The following CUL5 variants were observed in gnomAD, a reference collection of about 807,000 sequenced individuals.
CUL5 encodes the protein cullin-5.
Under a neutral mutation model 108.8 loss-of-function variants are expected in CUL5, and 26 were observed. That is an observed-to-expected ratio of 0.24 (90% CI 0.18 to 0.33). The LOEUF (loss-of-function observed/expected upper bound fraction) is 0.33. Ranked by LOEUF, CUL5 falls within the 10% of genes least tolerant of loss-of-function variation. The pLI, the probability that CUL5 is intolerant of heterozygous loss-of-function variation, is 1.00. For missense variants in CUL5, 524 were observed against 909.2 expected (o/e 0.58, Z 5.45); for synonymous variants, 334 against 298.0 (o/e 1.12, Z -1.25).
chr11:108,069,899 T>C (rs1022144427), intron 7 of CUL5, among the ~76,000 whole-genome samples, 197 bp from the exon 8 acceptor site: 1 of 152,212 alleles, frequency 6.6e-6, no homozygotes, highest in African/African-American at 2.4e-5. Flanking sequence ...TTCTATAGTT[T>C]TTTTCCTTAG....
intron 7 of CUL5, among the ~76,000 whole-genome samples, chr11:108,063,316 C>G (rs1416946691): frequency 1.3e-5 from 2 of 152,140 alleles, no homozygotes; most frequent in Non-Finnish European, 2.9e-5. Context: ...TCTTTCTGTT[C>G]CTGGCTTATT....
At chr11:108,009,947 A>G (rs1457168677) in intron 1 of CUL5, among the ~76,000 whole-genome samples, 2 of 152,040 alleles carry the variant, frequency 1.3e-5, no homozygotes, top group Non-Finnish European at 2.9e-5. Flanking sequence ...TCCTTAGGAA[A>G]CTGCTTTCTA....
chr11:108,104,376 A>G lies in CUL5; in HGVS notation c.2335A>G (p.Met779Val), dbSNP rs1565274081. The G allele has an allele frequency of 1.3e-6, 2 of 1,541,176 alleles. No individual in the cohort carries two copies. Among genetic ancestry groups the G allele is most frequent in the South Asian group, 1.3e-5 (1 of 78,536 alleles). ...DESDINTFIY[M>V]A ...ATCTGATATCAACACTTTCATATAT[A>G]TGGCATAATTTTGAATATCATGGAC... The change falls in exon 19 of 19, where the codon ATG (methionine) becomes GTG (valine). Residue 779 changes from methionine to valine, a missense_variant. Physicochemically the swap from Met to Val is conservative, Grantham distance 21. Around this residue, in one of 8 missense-constraint regions of CUL5, gnomAD observed 22 missense variants for 70.5 expected, o/e 0.31. Transcript: ENST00000393094.
chr11:108,097,543 C>A, intron 16 of CUL5, 93 bp from the exon 17 acceptor site: 1 of 680,268 alleles, frequency 1.5e-6, no homozygotes, highest in Non-Finnish European at 2.5e-6. Flanking sequence ...TGTTTGTAAT[C>A]TTTTTCTTGC....
At chr11:108,073,064 G>A (rs1327239378) in intron 9 of CUL5, among the ~76,000 whole-genome samples, 2 of 151,834 alleles carry the variant, frequency 1.3e-5, no homozygotes, top group Non-Finnish European at 2.9e-5. Context: ...TAGCCAGGCG[G>A]GGTGGCGGGC....
chr11:108,079,445 A>G (rs1267892068), intron 11 of CUL5, among the ~76,000 whole-genome samples: 1 of 152,150 alleles, frequency 6.6e-6, no homozygotes, highest in African/African-American at 2.4e-5. Context: ...AACTTACAAT[A>G]GAGTTACTAT....
chr11:108,036,903 A>T (rs905632680), intron 2 of CUL5, among the ~76,000 whole-genome samples: 8 of 152,190 alleles, frequency 5.3e-5, no homozygotes, highest in African/African-American at 1.7e-4. Context: ...AACTGCAGGC[A>T]GCAGCAGCTA....
In CUL5 at chr11:108,106,345, A is replaced by G. The variant is rs1864800833; in HGVS notation, c.*1961A>G. 1 of 152,502 alleles carries G rather than the reference A, an allele frequency of 6.6e-6. No individual in the cohort carries two copies. Among genetic ancestry groups the G allele is most frequent in the Non-Finnish European group, 1.5e-5 (1 of 67,974 alleles). 9.4% of individuals were successfully genotyped at this position (152,502 alleles called of 1,614,324 possible). The stretch of plus-strand genomic sequence containing the variant: ...TTCTCAGAACTTTTTTGGAACTTCT[A>G]ATTTTGGGTCATTTAATTTAAGAAT... On this transcript the variant is annotated 3_prime_UTR_variant, in exon 19 of 19. Coordinates refer to ENST00000393094, the MANE Select transcript of CUL5 (RefSeq NM_003478.6).
Position 108,072,364 on chromosome 11 carries a change from G to C in CUL5, c.907G>C (p.Val303Leu), listed in dbSNP as rs758276900. The C allele has an allele frequency of 1.2e-6, 2 of 1,608,760 alleles. No homozygotes were observed. The highest frequency in any genetic ancestry group is 1.7e-6 in the Non-Finnish European group (2 of 1,177,064). Residue 303 changes from valine to leucine, a missense_variant, in exon 9 of 19, where the codon GTT becomes CTT. Around this residue, in one of 8 missense-constraint regions of CUL5, gnomAD observed 170 missense variants for 305.1 expected, o/e 0.56. Coordinates refer to ENST00000393094, the MANE Select transcript of CUL5 (RefSeq NM_003478.6). ...TTTAATGTTTTCATTGATGGACAAAGTTCCTAATGGTATAGAGCCAATGTT... is the reference window on the plus strand; with the variant it reads ...TTTAATGTTTTCATTGATGGACAAACTTCCTAATGGTATAGAGCCAATGTT... ...LHLMFSLMDK[V>L]PNGIEPMLKD... is the part of the protein sequence containing the mutation.
chr11:108,034,532 G>C (rs973926680), intron 2 of CUL5, among the ~76,000 whole-genome samples: 14 of 152,192 alleles, frequency 9.2e-5, no homozygotes, highest in African/African-American at 3.4e-4. Flanking sequence ...AGTCTCAGGG[G>C]TGCTGGTAGT....
chr11:108,095,124 A>G, intron 15 of CUL5, 137 bp downstream of exon 15: 2 of 690,874 alleles, frequency 2.9e-6, no homozygotes, highest in South Asian at 2.1e-5. Context: ...AATTTTTTTC[A>G]TGAAGTTGAT....
chr11:108,103,725 A>G (rs1459327189), intron 18 of CUL5, among the ~76,000 whole-genome samples: 7 of 152,242 alleles, frequency 4.6e-5, no homozygotes, highest in Non-Finnish European at 7.3e-5. Flanking sequence ...AGGAAATAAT[A>G]TTAAAACATT....
intron 10 of CUL5, among the ~76,000 whole-genome samples, chr11:108,074,448 G>C (rs1863899626): frequency 6.6e-6 from 1 of 151,680 alleles, no homozygotes; most frequent in Non-Finnish European, 1.5e-5. Context: ...GCCCGCCTCG[G>C]CCTCCCAAAG....
intron 5 of CUL5, among the ~76,000 whole-genome samples, chr11:108,053,588 T>C (rs1863293279): frequency 6.6e-6 from 1 of 152,186 alleles, no homozygotes; most frequent in African/African-American, 2.4e-5. Context: ...CTTATTGCTG[T>C]TGTTTAACCC....
At chr11:108,099,790 C>T (rs1864603758) in intron 18 of CUL5, among the ~76,000 whole-genome samples, 1 of 151,784 alleles carries the variant, frequency 6.6e-6, no homozygotes, top group East Asian at 1.9e-4. Context: ...TCTGCCAGTT[C>T]TAGGTTTTCA....
At position 108,076,395 on chromosome 11, in the gene CUL5, C is replaced by G. The variant is rs1863941143; in HGVS notation, c.1114-1781C>G. 2.6e-5 allele frequency among the ~76,000 whole-genome samples: 4 copies of G among 152,166 alleles called. No individual in the cohort carries two copies. The South Asian group carries it at 8.3e-4, about 32-fold the overall frequency. ...CATTAGCTCTCTAGACTTTTTCCATCTTGTGTGTCTGCTACTTTGTATCAT... is the reference window on the plus strand; with the variant it reads ...CATTAGCTCTCTAGACTTTTTCCATGTTGTGTGTCTGCTACTTTGTATCAT... On this transcript the variant is annotated intron_variant, in intron 10 of 18. Coordinates refer to ENST00000393094, the MANE Select transcript of CUL5 (RefSeq NM_003478.6).
At chr11:108,030,301 C>T (rs1286221208) in intron 1 of CUL5, among the ~76,000 whole-genome samples, 1 of 152,158 alleles carries the variant, frequency 6.6e-6, no homozygotes, top group Non-Finnish European at 1.5e-5. Flanking sequence ...TAGCTAATCC[C>T]AGTACTAAGT....
At position 108,082,376 on chromosome 11, in the gene CUL5, G is replaced by A. The variant is rs147591682; in HGVS notation, c.1178+4136G>A. ...GCTCACTGCAGTGTTGCCCTCCTGA[G>A]CTCGAGTAATCCTCCCACCTCAGCC... is the stretch of plus-strand genomic sequence containing the variant. On this transcript the variant is annotated intron_variant, in intron 11 of 18. Transcript: ENST00000393094. Among the ~76,000 whole-genome samples, 627 of 151,670 alleles carry A rather than the reference G, an allele frequency of 4.1e-3. 3 individuals carry two copies. Among genetic ancestry groups the A allele is most frequent in the Admixed American group, 7.1e-3 (108 of 15,224 alleles).
intron 3 of CUL5, among the ~76,000 whole-genome samples, chr11:108,046,967 A>G (rs1863083552): frequency 1.3e-5 from 2 of 152,112 alleles, no homozygotes; most frequent in South Asian, 4.1e-4. Context: ...TTATGAATAA[A>G]TCCCTTATCA....
Sources: allele counts gnomAD v4.1 joint callset (sites outside exome capture counted in the v4.1 genomes callset), GRCh38; gene constraint gnomAD v4.1.1; regional missense constraint gnomAD v4.1.1; transcripts MANE v1.5; gene names NCBI Gene and HGNC (gene_info 2026-07-23, HGNC 2026-07-21).